Variants in SSH1 observed in about 807,000 individuals in gnomAD.
The protein encoded by SSH1 is slingshot protein phosphatase 1.
In SSH1, 43 loss-of-function variants were observed where a neutral mutation model predicts 79.7. The observed-to-expected ratio is 0.54, with a 90% CI of 0.42 to 0.70. The LOEUF (loss-of-function observed/expected upper bound fraction) is 0.70. Ranked by LOEUF, SSH1 falls within the 30% of genes least tolerant of loss-of-function variation. SSH1 has a pLI of 0.00. For synonymous variants in SSH1, 599 were observed against 538.3 expected (o/e 1.11, Z -1.56); for missense variants, 1,206 against 1,358.8 (o/e 0.89, Z 1.77).
chr12:108,801,727 GTGT>G (rs1401129819), intron 11 of SSH1, among the ~76,000 whole-genome samples: 2 of 137,740 alleles, frequency 1.5e-5, no homozygotes, highest in East Asian at 2.5e-4. Flanking sequence ...TTTTGTGGCT[GTGT>G]TGTTTTAAAA....
intron 6 of SSH1, 106 bp downstream of exon 6, chr12:108,811,154 A>G: frequency 9.7e-7 from 1 of 1,029,970 alleles, no homozygotes; most frequent in Non-Finnish European, 1.5e-6. Flanking sequence ...CACTCCCGCC[A>G]CACGTGTCAT....
intron 1 of SSH1, among the ~76,000 whole-genome samples, chr12:108,855,242 CCA>C (rs1381440698): frequency 6.6e-6 from 1 of 152,122 alleles, no homozygotes; most frequent in Non-Finnish European, 1.5e-5. Flanking sequence ...ACACAAAAGG[CCA>C]CACAGGGTGT....
intron 14 of SSH1, among the ~76,000 whole-genome samples, chr12:108,790,686 T>C (rs1324626219): frequency 6.6e-6 from 1 of 152,180 alleles, no homozygotes; most frequent in East Asian, 1.9e-4. Context: ...TTTATGGAGG[T>C]CGACAGATGC....
intron 10 of SSH1, among the ~76,000 whole-genome samples, chr12:108,803,435 G>A (rs753148568): frequency 6.6e-6 from 1 of 151,828 alleles, no homozygotes; most frequent in African/African-American, 2.4e-5. Context: ...ATCATAAAGA[G>A]CAAAAGAATC....
intron 10 of SSH1, 59 bp downstream of exon 10, chr12:108,804,997 A>G: frequency 6.3e-7 from 1 of 1,595,374 alleles, no homozygotes; most frequent in Non-Finnish European, 8.6e-7. Context: ...AAACTCTTAA[A>G]CAACCAGGGT....
At chr12:108,849,547 T>C (rs1425789924) in intron 2 of SSH1, among the ~76,000 whole-genome samples, 1 of 152,124 alleles carries the variant, frequency 6.6e-6, no homozygotes, top group African/African-American at 2.4e-5. Flanking sequence ...ACAAAGACCC[T>C]GTCTCTAAAA....
intron 2 of SSH1, 74 bp from the exon 3 acceptor site, chr12:108,823,435 G>T: frequency 7.8e-7 from 1 of 1,285,552 alleles, no homozygotes; most frequent in Non-Finnish European, 1.1e-6. Context: ...TACTGCAGGG[G>T]AAAAAGCTTT....
Position 108,852,652 on chromosome 12 carries a change from T to G in SSH1, c.96A>C (p.Arg32=). Residue 32 remains arginine (R), a synonymous_variant, in exon 2 of 15, where the codon CGA becomes CGC. Coordinates refer to ENST00000326495, the MANE Select transcript of SSH1 (RefSeq NM_018984.4). ...SELEAGSEED[R]KLNLSLSESF... ...AGTCTGCTTACCTGAGGTTTAATTT[T>G]CGATCTTCTTCGCTGCCAGCCTCCA... 1.2e-6 allele frequency: 2 copies of G among 1,614,176 alleles called. No individual in the cohort carries two copies. Among genetic ancestry groups the G allele is most frequent in the Non-Finnish European group, 1.7e-6 (2 of 1,180,030 alleles).
At chr12:108,841,259 A>C (rs185762668) in intron 2 of SSH1, among the ~76,000 whole-genome samples, 3 of 152,336 alleles carry the variant, frequency 2.0e-5, no homozygotes, top group African/African-American at 4.8e-5. Context: ...GCTTGCACGC[A>C]CATTCCTGGT....
At chr12:108,836,304 C>G (rs1224593976) in intron 2 of SSH1, among the ~76,000 whole-genome samples, 2 of 151,982 alleles carry the variant, frequency 1.3e-5, no homozygotes, top group African/African-American at 2.4e-5. Flanking sequence ...CTAATTCTGC[C>G]CATTGAGAGG....
Position 108,857,429 on chromosome 12 carries a change from T to C in SSH1, c.68A>G (p.Glu23Gly). ...SAASSSASNS[E>G]LEAGSEEDRK... ...GGGCGCGGCGAGCCCGGGGCTCACC[T>C]CGCTGTTGCTGGCCGAGGAGGAGGC... Residue 23 changes from glutamate to glycine, a missense_variant and splice_region_variant, in exon 1 of 15, where the codon GAG becomes GGG. Transcript: ENST00000326495. The surrounding 1 kb of genome is among the most constrained non-coding windows in gnomAD (Gnocchi z 4.7). 9.1e-7 allele frequency: 1 copy of C among 1,096,776 alleles called. No individual in the cohort carries two copies. The allele number at this position is 1,096,776 out of a possible 1,614,324, so 67.9% of individuals were successfully genotyped here. A position where few individuals can be genotyped will look rare whatever the true frequency, so the allele number is the denominator to read the frequency against.
chr12:108,850,894 G>A (rs1056724030), intron 2 of SSH1, among the ~76,000 whole-genome samples: 6 of 151,614 alleles, frequency 4.0e-5, no homozygotes, highest in East Asian at 1.9e-4. Context: ...GGAGCTGGGC[G>A]CCCACAGGAG....
chr12:108,832,166 G>A (rs1427396898), intron 2 of SSH1, among the ~76,000 whole-genome samples: 2 of 151,848 alleles, frequency 1.3e-5, no homozygotes, highest in Admixed American at 1.3e-4. Context: ...GTGTGGTGGC[G>A]TGCACCTGCA....
At chr12:108,839,237 C>T (rs2038717324) in intron 2 of SSH1, among the ~76,000 whole-genome samples, 1 of 152,224 alleles carries the variant, frequency 6.6e-6, no homozygotes, top group Admixed American at 6.5e-5. Context: ...CTTTTCCCTT[C>T]CATCTCATGA....
chr12:108,810,685 TC>T (rs2137103823), intron 6 of SSH1, among the ~76,000 whole-genome samples: 1 of 152,350 alleles, frequency 6.6e-6, no homozygotes, highest in South Asian at 2.1e-4. Flanking sequence ...CAGGCCACTT[TC>T]CTATTCTGTT....
At chr12:108,790,940 G>A (rs1401047072) in intron 14 of SSH1, among the ~76,000 whole-genome samples, 4 of 152,170 alleles carry the variant, frequency 2.6e-5, no homozygotes, top group Non-Finnish European at 4.4e-5. Flanking sequence ...CCCCATGGAG[G>A]AGGGAAAAGG....
chr12:108,817,141 C>A lies in SSH1; in HGVS notation c.298G>T (p.Ala100Ser), dbSNP rs1322104640. Residue 100 changes from alanine to serine, a missense_variant, in exon 5 of 15, where the codon GCC becomes TCC. By Grantham distance (99) the Ala-to-Ser change is moderately conservative (BLOSUM62 1). Coordinates refer to ENST00000326495, the MANE Select transcript of SSH1 (RefSeq NM_018984.4). ...ATGTACCGGACCCGGTCCGCCCAGG[C>A]GCTCTCCAGGCGCACTGCCTGGAAC... ...RIKLAVRLES[A>S]WADRVRYMVV... 7 of 1,614,042 alleles carry A rather than the reference C, an allele frequency of 4.3e-6. No individual in the cohort carries two copies. The South Asian group carries it at 7.7e-5, about 18-fold the overall frequency.
intron 8 of SSH1, among the ~76,000 whole-genome samples, chr12:108,806,695 GC>G (rs982666629): frequency 2.0e-5 from 3 of 152,170 alleles, no homozygotes; most frequent in African/African-American, 7.2e-5. Flanking sequence ...ACATCCCCAG[GC>G]CCCTGGGCCC....
chr12:108,798,894 T>A, intron 13 of SSH1, 106 bp downstream of exon 13: 3 of 1,357,026 alleles, frequency 2.2e-6, no homozygotes, highest in Non-Finnish European at 3.1e-6. Context: ...AAGCGGCTGC[T>A]GGGCCGAATG....
Sources: gnomAD v4.1 joint callset for allele counts (sites outside exome capture counted in the v4.1 genomes callset) on GRCh38, gnomAD v4.1.1 for gene constraint, Gnocchi (gnomAD v3.1) non-coding constraint, MANE v1.5 for transcripts, NCBI Gene and HGNC (gene_info 2026-07-23, HGNC 2026-07-21) for gene names.